Variants in FAM24B observed in about 807,000 individuals in gnomAD.
FAM24B encodes family with sequence similarity 24 member B.
FAM24B carries 3 observed loss-of-function variants against 2.3 expected under a neutral mutation model. The ratio of observed to expected loss-of-function variants is 1.29; its 90% confidence interval spans 0.59 to 3.32. FAM24B has a LOEUF of 3.32. Ranked by LOEUF, FAM24B falls within the 30% of genes most tolerant of loss-of-function variation. The pLI is 0.03. For missense variants in FAM24B, 98 were observed against 117.2 expected, an observed-to-expected ratio of 0.84 and a Z score of 0.76; for synonymous variants, 36 against 46.3, an observed-to-expected ratio of 0.78 and a Z score of 0.90.
chr10:122,854,471 T>A (rs1054573164), intron 2 of FAM24B, among the ~76,000 whole-genome samples: 5 of 152,200 alleles, frequency 3.3e-5, no homozygotes, highest in Admixed American at 1.3e-4. Flanking sequence ...CTGAACCTTC[T>A]GAAATGATGT....
rs151178864 is a variant in FAM24B at position 122,866,028 on chromosome 10, G to A, written c.-177-10242C>T. 4.4e-3 allele frequency among the ~76,000 whole-genome samples: 664 copies of A among 151,220 alleles called. 11 individuals are homozygous for A. Among genetic ancestry groups the A allele is most frequent in the African/African-American group, 0.015 (607 of 41,200 alleles). ...AGCGATTCTCCTGCCCTAGCCTCCCGAGTAGCTGGAACTACAGGTGCATGC... is the reference window on the plus strand; with the variant it reads ...AGCGATTCTCCTGCCCTAGCCTCCCAAGTAGCTGGAACTACAGGTGCATGC... On this transcript the variant is annotated intron_variant, in intron 1 of 3. Transcript: ENST00000368898.
chr10:122,865,654 G>A (rs756394375), intron 1 of FAM24B, among the ~76,000 whole-genome samples: 1 of 152,014 alleles, frequency 6.6e-6, no homozygotes, highest in Non-Finnish European at 1.5e-5. Flanking sequence ...AAGTGTTTCT[G>A]TGCTTCTATT....
intron 1 of FAM24B, among the ~76,000 whole-genome samples, chr10:122,870,805 T>A (rs1847884022): frequency 6.6e-6 from 1 of 152,196 alleles, no homozygotes; most frequent in Admixed American, 6.5e-5. Flanking sequence ...AAGAGCTATC[T>A]ATGACAAACC....
rs1396546577 is a variant in FAM24B at position 122,850,484 on chromosome 10, G to A, written c.32C>T (p.Ala11Val). The change falls in exon 3 of 4, where the codon GCC becomes GTC. Residue 11 changes from alanine (A) to valine (V), a missense_variant. Transcript: ENST00000368898. Reference protein sequence around the residue: MPVIAGGILAALLLLIVVVLC... With the variant: MPVIAGGILAVLLLLIVVVLC... Reference sequence around the variant, plus strand: ...CACGACAACTATCAGCAGGAGCAAGGCCGCCAGGATACCACCAGCGATGAC... The same window carrying A: ...CACGACAACTATCAGCAGGAGCAAGACCGCCAGGATACCACCAGCGATGAC... 1.2e-6 allele frequency: 2 copies of A among 1,613,914 alleles called. No homozygotes were observed. Among genetic ancestry groups the A allele is most frequent in the Non-Finnish European group, 1.7e-6 (2 of 1,179,952 alleles).
At chr10:122,859,364 C>T (rs1378853227) in intron 1 of FAM24B, among the ~76,000 whole-genome samples, 1 of 152,302 alleles carries the variant, frequency 6.6e-6, no homozygotes, top group Middle Eastern at 3.4e-3. Flanking sequence ...AAGCTTTATA[C>T]CTTATCAGAA....
At chr10:122,863,235 T>C (rs1589672579) in intron 1 of FAM24B, among the ~76,000 whole-genome samples, 1 of 152,238 alleles carries the variant, frequency 6.6e-6, no homozygotes, top group African/African-American at 2.4e-5. Context: ...ATTACACTGA[T>C]TGATGACTTC....
At chr10:122,855,367 C>T (rs1314052536) in intron 2 of FAM24B, 2 of 152,122 alleles carry the variant, frequency 1.3e-5, no homozygotes, top group African/African-American at 4.8e-5. Context: ...TTTAAAAGAA[C>T]CAAAGAGAAA....
chr10:122,879,184 G>A (rs2133846216), intron 1 of FAM24B, among the ~76,000 whole-genome samples: 1 of 152,338 alleles, frequency 6.6e-6, no homozygotes, highest in South Asian at 2.1e-4. Context: ...TGGCAACGCC[G>A]TAGGATCAGG....
At chr10:122,870,914 T>C (rs1847886230) in intron 1 of FAM24B, among the ~76,000 whole-genome samples, 1 of 152,088 alleles carries the variant, frequency 6.6e-6, no homozygotes, top group Non-Finnish European at 1.5e-5. Context: ...CTATTCAACA[T>C]AGTGTTGGAA....
At chr10:122,854,497 C>T (rs540074033) in intron 2 of FAM24B, among the ~76,000 whole-genome samples, 1 of 152,326 alleles carries the variant, frequency 6.6e-6, no homozygotes, top group African/African-American at 2.4e-5. Flanking sequence ...TCCCCATTCC[C>T]AGTCCCCCAA....
At chr10:122,877,277 T>C (rs915434489) in intron 1 of FAM24B, among the ~76,000 whole-genome samples, 4 of 152,332 alleles carry the variant, frequency 2.6e-5, no homozygotes, top group East Asian at 1.9e-4. Context: ...AAGAGTTTAA[T>C]AGACATAAGG....
intron 1 of FAM24B, among the ~76,000 whole-genome samples, chr10:122,866,309 T>C (rs1847803631): frequency 6.6e-6 from 1 of 152,152 alleles, no homozygotes; most frequent in Admixed American, 6.6e-5. Flanking sequence ...GCCTATCAAC[T>C]TTATCTATCT....
intron 1 of FAM24B, among the ~76,000 whole-genome samples, chr10:122,862,893 T>C (rs1248113161): frequency 6.6e-6 from 1 of 152,018 alleles, no homozygotes; most frequent in Non-Finnish European, 1.5e-5. Context: ...GTGGAAGGTA[T>C]ATTCCCACTC....
chr10:122,876,973 C>T (rs1263819090), intron 1 of FAM24B, among the ~76,000 whole-genome samples: 1 of 152,160 alleles, frequency 6.6e-6, no homozygotes, highest in Non-Finnish European at 1.5e-5. Context: ...ACAGTAGATA[C>T]ATATATGATT....
intron 1 of FAM24B, among the ~76,000 whole-genome samples, chr10:122,856,459 CAG>C (rs1456072736): frequency 6.6e-6 from 1 of 152,332 alleles, no homozygotes; most frequent in African/African-American, 2.4e-5. Context: ...CCTGCTGAAG[CAG>C]AGTGTCAGTG....
rs555151602 is a variant in FAM24B, at chr10:122,876,246, T to C, written c.-178+3239A>G. ...GTCGAATTCTTTCTTCTGACAAGAA[T>C]TGAGGTTGCTGCAGCCCCCTGCAGA... On this transcript the variant is annotated intron_variant, in intron 1 of 3. Transcript: ENST00000368898. Among the ~76,000 whole-genome samples, 12 of 152,344 alleles carry C rather than the reference T, an allele frequency of 7.9e-5. No individual in the cohort carries two copies. The East Asian group carries it at 1.3e-3, about 17-fold the overall frequency.
chr10:122,869,036 C>T (rs1414503508), intron 1 of FAM24B, among the ~76,000 whole-genome samples: 1 of 152,024 alleles, frequency 6.6e-6, no homozygotes, highest in Non-Finnish European at 1.5e-5. Context: ...ATTCAGGAAA[C>T]CCATCTCACG....
chr10:122,867,234 A>G (rs188180119), intron 1 of FAM24B, among the ~76,000 whole-genome samples: 1 of 152,316 alleles, frequency 6.6e-6, no homozygotes, highest in African/African-American at 2.4e-5. Flanking sequence ...GGTGGCAGCC[A>G]GGCTGGGGGA....
chr10:122,862,722 A>C (rs557647023), intron 1 of FAM24B, among the ~76,000 whole-genome samples: 1 of 152,308 alleles, frequency 6.6e-6, no homozygotes, highest in African/African-American at 2.4e-5. Flanking sequence ...AATGCAAATA[A>C]TAATTCTTCT....
Sources: gnomAD v4.1 joint callset for allele counts (sites outside exome capture counted in the v4.1 genomes callset) on GRCh38, gnomAD v4.1.1 for gene constraint, MANE v1.5 for transcripts, NCBI Gene and HGNC (gene_info 2026-07-23, HGNC 2026-07-21) for gene names.